The following SUGCT variants were observed in gnomAD, a reference collection of about 807,000 sequenced individuals.
SUGCT encodes succinyl-CoA:glutarate CoA-transferase.
Under a neutral mutation model 55.0 loss-of-function variants are expected in SUGCT, and 41 were observed. That is an observed-to-expected ratio of 0.74 (90% CI 0.58 to 0.97). The LOEUF (loss-of-function observed/expected upper bound fraction) is 0.97. SUGCT is among the 50% of genes least tolerant of loss of function. The probability of loss-of-function intolerance (pLI) is 0.00; values close to 1 mark genes in which losing one functional copy is unlikely to be tolerated. For missense variants in SUGCT, 568 were observed against 547.8 expected, an observed-to-expected ratio of 1.04 and a Z score of -0.37; for synonymous variants, 187 against 200.4, an observed-to-expected ratio of 0.93 and a Z score of 0.56.
chr7:40,545,242 G>A (rs1393155724), intron 12 of SUGCT, among the ~76,000 whole-genome samples: 2 of 152,194 alleles, frequency 1.3e-5, no homozygotes, highest in South Asian at 2.1e-4. Context: ...AGGTGGAGTT[G>A]AAGAAAGTCA....
intron 9 of SUGCT, among the ~76,000 whole-genome samples, chr7:40,428,783 T>C (rs1787734894): frequency 6.6e-6 from 1 of 152,334 alleles, no homozygotes. Context: ...AATGTTACAG[T>C]ATTACAGTAT....
the SUGCT span, among the ~76,000 whole-genome samples, chr7:41,023,972 A>T: frequency 2.6e-5 from 4 of 152,218 alleles, no homozygotes; most frequent in Non-Finnish European, 5.9e-5. Context: ...CGTATTAGGC[A>T]TCCGTAATCA....
At chr7:40,304,754 A>G in intron 8 of SUGCT, among the ~76,000 whole-genome samples, 1 of 81,860 alleles carries the variant, frequency 1.2e-5, no homozygotes, top group African/African-American at 7.1e-5. Flanking sequence ...AATAATAATA[A>G]TAATAATCAT....
chr7:41,026,436 T>C, the SUGCT span, among the ~76,000 whole-genome samples: 3 of 152,192 alleles, frequency 2.0e-5, no homozygotes, highest in African/African-American at 4.8e-5. Context: ...AAAAATGCTG[T>C]CCTGCCATCA....
intron 11 of SUGCT, among the ~76,000 whole-genome samples, chr7:40,485,962 G>A (rs1791319215): frequency 1.3e-5 from 2 of 152,138 alleles, no homozygotes; most frequent in Admixed American, 1.3e-4. Flanking sequence ...CAGGGATATT[G>A]GCCTGTAATT....
At chr7:40,555,103 T>C (rs148693862) in intron 12 of SUGCT, among the ~76,000 whole-genome samples, 2 of 152,308 alleles carry the variant, frequency 1.3e-5, no homozygotes, top group African/African-American at 4.8e-5. Flanking sequence ...CTCAAAGTAG[T>C]ACGGCCTGCC....
chr7:41,002,505 C>G, the SUGCT span, among the ~76,000 whole-genome samples: 1 of 152,094 alleles, frequency 6.6e-6, no homozygotes, highest in Non-Finnish European at 1.5e-5. Context: ...GGTGAGAAAT[C>G]GTTGCTTGGG....
intron 1 of SUGCT, among the ~76,000 whole-genome samples, chr7:40,148,427 C>T (rs1788380005): frequency 1.3e-5 from 2 of 152,058 alleles, no homozygotes; most frequent in African/African-American, 4.8e-5. Flanking sequence ...GGCGGATCAC[C>T]TGAGGTCGAG....
intron 11 of SUGCT, among the ~76,000 whole-genome samples, chr7:40,493,943 T>C (rs1005700866): frequency 1.3e-5 from 2 of 152,140 alleles, no homozygotes; most frequent in African/African-American, 4.8e-5. Context: ...TTCATGGCAT[T>C]TCAGAACCCT....
intron 12 of SUGCT, among the ~76,000 whole-genome samples, chr7:40,703,220 A>C (rs1475483639): frequency 6.6e-6 from 1 of 152,066 alleles, no homozygotes; most frequent in Admixed American, 6.6e-5. Flanking sequence ...GTGTGCCACC[A>C]TGCCCGGCTA....
At chr7:40,237,823 G>T (rs2150877821) in intron 7 of SUGCT, 97 bp downstream of exon 7, 1 of 952,252 alleles carries the variant, frequency 1.1e-6, no homozygotes, top group Non-Finnish European at 1.6e-6. Flanking sequence ...TGAGTTGTTA[G>T]GTTGGGGCAA....
At chr7:41,019,640 T>A in the SUGCT span, among the ~76,000 whole-genome samples, 1 of 152,188 alleles carries the variant, frequency 6.6e-6, no homozygotes, top group African/African-American at 2.4e-5. Flanking sequence ...TTGAATCAAA[T>A]TTTCCAACTC....
At chr7:40,502,489 A>G (rs2151532703) in intron 12 of SUGCT, among the ~76,000 whole-genome samples, 1 of 152,168 alleles carries the variant, frequency 6.6e-6, no homozygotes, top group Non-Finnish European at 1.5e-5. Context: ...AAAATAAAAT[A>G]GCAAAATTAA....
At chr7:40,508,078 T>C (rs1182529986) in intron 12 of SUGCT, among the ~76,000 whole-genome samples, 2 of 152,206 alleles carry the variant, frequency 1.3e-5, no homozygotes, top group Non-Finnish European at 2.9e-5. Flanking sequence ...TTCATCCTTA[T>C]GACCTACCTT....
the SUGCT span, among the ~76,000 whole-genome samples, chr7:41,005,053 C>T: frequency 6.6e-6 from 1 of 152,154 alleles, no homozygotes; most frequent in African/African-American, 2.4e-5. Context: ...TATGCTGTCT[C>T]TTTGCCATTG....
intron 12 of SUGCT, among the ~76,000 whole-genome samples, chr7:40,743,081 A>G (rs1787550307): frequency 6.6e-6 from 1 of 152,180 alleles, no homozygotes; most frequent in Non-Finnish European, 1.5e-5. Flanking sequence ...TCCTTTATCG[A>G]TAATGACCAT....
chr7:40,888,398 C>A, the SUGCT span, among the ~76,000 whole-genome samples: 1 of 151,538 alleles, frequency 6.6e-6, no homozygotes, highest in South Asian at 2.1e-4. Flanking sequence ...TTGCAGTGAG[C>A]CGAGATCATG....
intron 7 of SUGCT, among the ~76,000 whole-genome samples, chr7:40,240,210 A>T (rs1789286720): frequency 6.6e-6 from 1 of 152,200 alleles, no homozygotes; most frequent in Admixed American, 6.5e-5. Context: ...CCAGCTTGGC[A>T]CAGTGGCTCA....
intron 12 of SUGCT, among the ~76,000 whole-genome samples, chr7:40,677,675 T>C (rs1784064389): frequency 6.6e-6 from 1 of 152,212 alleles, no homozygotes; most frequent in Non-Finnish European, 1.5e-5. Flanking sequence ...GAGAGGCTAA[T>C]AAGAACGTTC....
Sources: gnomAD v4.1 joint callset for allele counts (sites outside exome capture counted in the v4.1 genomes callset) on GRCh38, gnomAD v4.1.1 for gene constraint, MANE v1.5 for transcripts, NCBI Gene and HGNC (gene_info 2026-07-23, HGNC 2026-07-21) for gene names.